The following FMN2 variants were observed in gnomAD, a reference collection of about 807,000 sequenced individuals.
FMN2 encodes the protein formin-2.
In FMN2, 51 loss-of-function variants were observed where a neutral mutation model predicts 142.3. That is an observed-to-expected ratio of 0.36 (90% CI 0.29 to 0.45). The LOEUF is 0.45. FMN2 is among the 20% of genes least tolerant of loss of function. The pLI, the probability that FMN2 is intolerant of heterozygous loss-of-function variation, is 1.00. For missense variants in FMN2, 1,936 were observed against 2,122.8 expected (o/e 0.91, Z 1.73); for synonymous variants, 882 against 869.8 (o/e 1.01, Z -0.25).
intron 15 of FMN2, among the ~76,000 whole-genome samples, chr1:240,427,500 T>A (rs1674999887): frequency 6.6e-6 from 1 of 152,184 alleles, no homozygotes; most frequent in Non-Finnish European, 1.5e-5. Flanking sequence ...CCACCGCACC[T>A]GGCCACAACT....
At chr1:240,283,021 A>T (rs1470683836) in intron 7 of FMN2, among the ~76,000 whole-genome samples, 2 of 152,012 alleles carry the variant, frequency 1.3e-5, no homozygotes, top group African/African-American at 4.8e-5. Flanking sequence ...GTGACTCTTG[A>T]CTCCTTTCAC....
chr1:240,438,253 T>A, intron 16 of FMN2, 43 bp downstream of exon 16: 1 of 1,593,370 alleles, frequency 6.3e-7, no homozygotes, highest in Middle Eastern at 1.7e-4. Context: ...AAACTGGTGT[T>A]TTATTAGGTG....
rs138903896 is a variant in FMN2 at position 240,132,989 on chromosome 1, G to A, written c.1782+9644G>A. ...TTTGACAATGTCCAAAGACATTTGG[G>A]GTTCTCACAGTAGGGAGAGGGGTGC... On this transcript the variant is annotated intron_variant, in intron 2 of 17. Coordinates refer to ENST00000319653, the MANE Select transcript of FMN2 (RefSeq NM_020066.5). Among the ~76,000 whole-genome samples the A allele has an allele frequency of 3.9e-3, 594 of 152,254 alleles. 1 individual carries two copies. Among genetic ancestry groups the A allele is most frequent in the Non-Finnish European group, 6.4e-3 (438 of 68,004 alleles).
chr1:240,152,239 T>A (rs1410822309), intron 2 of FMN2, among the ~76,000 whole-genome samples: 1 of 152,014 alleles, frequency 6.6e-6, no homozygotes, highest in Admixed American at 6.6e-5. Flanking sequence ...TGATCCTCTG[T>A]CTTCTCTAGG....
intron 15 of FMN2, among the ~76,000 whole-genome samples, chr1:240,411,661 G>A (rs935187922): frequency 7.1e-6 from 1 of 139,884 alleles, no homozygotes; most frequent in Non-Finnish European, 1.5e-5. Flanking sequence ...AGCATTTCAT[G>A]TTCTCTCTGT....
intron 7 of FMN2, among the ~76,000 whole-genome samples, chr1:240,286,526 G>A (rs16839722): frequency 0.01 from 1,574 of 152,182 alleles, 24 homozygotes; most frequent in African/African-American, 0.034. Flanking sequence ...TGAAAGTTAT[G>A]GTTTTATCAT....
intron 15 of FMN2, among the ~76,000 whole-genome samples, chr1:240,393,615 T>C (rs1673680915): frequency 6.6e-6 from 1 of 152,166 alleles, no homozygotes; most frequent in South Asian, 2.1e-4. Flanking sequence ...AAGCTAGAAA[T>C]GGTTAACCTT....
chr1:240,213,999 C>T (rs1314363957), intron 6 of FMN2, among the ~76,000 whole-genome samples: 1 of 152,122 alleles, frequency 6.6e-6, no homozygotes, highest in Non-Finnish European at 1.5e-5. Context: ...TTTCCAAATC[C>T]TTTTTTCTCC....
intron 7 of FMN2, among the ~76,000 whole-genome samples, chr1:240,258,536 C>T (rs192576454): frequency 3.3e-5 from 5 of 152,250 alleles, no homozygotes; most frequent in Admixed American, 3.3e-4. Context: ...ACCTAATGAC[C>T]ACGCGACCTA....
At chr1:240,381,017 T>A (rs188040020) in intron 14 of FMN2, among the ~76,000 whole-genome samples, 2,050 of 152,186 alleles carry the variant, frequency 0.013, 17 homozygotes, top group Middle Eastern at 0.034. Context: ...GTAATTTTTT[T>A]AAAAAAATCT....
chr1:240,462,524 G>C (rs1353378467), intron 16 of FMN2, among the ~76,000 whole-genome samples: 1 of 152,120 alleles, frequency 6.6e-6, no homozygotes, highest in Non-Finnish European at 1.5e-5. Context: ...CCGGAAGAAG[G>C]AGGCAAAAAA....
chr1:240,465,464 T>C (rs1013855987), intron 16 of FMN2, among the ~76,000 whole-genome samples: 1 of 152,038 alleles, frequency 6.6e-6, no homozygotes, highest in African/African-American at 2.4e-5. Context: ...GATGGTGTTA[T>C]GTTTTAGTAA....
chr1:240,198,561 T>C (rs1214158119), intron 4 of FMN2, among the ~76,000 whole-genome samples: 1 of 152,184 alleles, frequency 6.6e-6, no homozygotes, highest in Non-Finnish European at 1.5e-5. Flanking sequence ...CAGCTCCCTG[T>C]GTGAGGCTCT....
intron 6 of FMN2, among the ~76,000 whole-genome samples, chr1:240,250,460 T>G (rs192963765): frequency 6.6e-6 from 1 of 152,278 alleles, no homozygotes; most frequent in African/African-American, 2.4e-5. Context: ...GGTATTTTCT[T>G]TAGATGTGCT....
chr1:240,391,962 A>G (rs921749336), intron 14 of FMN2, among the ~76,000 whole-genome samples: 1 of 152,170 alleles, frequency 6.6e-6, no homozygotes, highest in African/African-American at 2.4e-5. Context: ...TTATTTTTAA[A>G]TAAAAATGAT....
rs114246193 is a variant in FMN2, at chr1:240,326,632, C to A, written c.4216-2444C>A. Among the ~76,000 whole-genome samples the A allele has an allele frequency of 1.3e-3, 205 of 152,166 alleles. 2 individuals are homozygous for A. Among genetic ancestry groups the A allele is most frequent in the African/African-American group, 4.5e-3 (188 of 41,492 alleles). On this transcript the variant is annotated intron_variant, in intron 8 of 17. Coordinates refer to ENST00000319653, the MANE Select transcript of FMN2 (RefSeq NM_020066.5). ...ACCCCACGTTGAGTCTATTCAACAG[C>A]TAGATTGAGTGTATATTAAGGTGTC...
At chr1:240,148,399 CAG>C (rs34801194) in intron 2 of FMN2, among the ~76,000 whole-genome samples, 13,293 of 147,512 alleles carry the variant, frequency 0.09, 738 homozygotes, top group African/African-American at 0.16. Context: ...GAGAGAAAGA[CAG>C]AGAGACAGAG....
At chr1:240,448,098 A>G (rs558342742) in intron 16 of FMN2, among the ~76,000 whole-genome samples, 6 of 152,304 alleles carry the variant, frequency 3.9e-5, no homozygotes, top group East Asian at 1.9e-4. Flanking sequence ...GTAATTTTGT[A>G]TGTACCCAAG....
chr1:240,119,188 G>C (rs111303003), intron 1 of FMN2, among the ~76,000 whole-genome samples: 4,242 of 152,138 alleles, frequency 0.028, 183 homozygotes, highest in African/African-American at 0.096. Flanking sequence ...AATTAGCCGG[G>C]TGTGGTGGCG....
Sources: allele counts gnomAD v4.1 joint callset (sites outside exome capture counted in the v4.1 genomes callset), GRCh38; gene constraint gnomAD v4.1.1; transcripts MANE v1.5; gene names NCBI Gene and HGNC (gene_info 2026-07-23, HGNC 2026-07-21).